Variants in OSBPL8 observed in about 807,000 individuals in gnomAD.
OSBPL8 encodes oxysterol binding protein like 8, also known as oxysterol-binding protein-related protein 8.
A neutral mutation model predicts 125.5 loss-of-function variants in OSBPL8; 59 were observed. The ratio of observed to expected loss-of-function variants is 0.47; its 90% CI spans 0.38 to 0.58. OSBPL8 has a LOEUF of 0.58. Ranked by LOEUF, OSBPL8 falls within the 20% of genes least tolerant of loss-of-function variation. The pLI, the probability that OSBPL8 is intolerant of heterozygous loss-of-function variation, is 0.00. For missense variants in OSBPL8, 758 were observed against 1,047.8 expected (o/e 0.72, Z 3.82); for synonymous variants, 330 against 338.9 (o/e 0.97, Z 0.29).
At chr12:76,374,791 A>C (rs568052687) in intron 17 of OSBPL8, among the ~76,000 whole-genome samples, 2 of 152,214 alleles carry the variant, frequency 1.3e-5, no homozygotes, top group Admixed American at 1.3e-4. Flanking sequence ...ACCCTGTCCA[A>C]ATTTTTGACT....
intron 1 of OSBPL8, among the ~76,000 whole-genome samples, chr12:76,503,969 T>A: frequency 6.6e-6 from 1 of 151,934 alleles, no homozygotes; most frequent in Non-Finnish European, 1.5e-5. Context: ...AACATCAGTA[T>A]AGATGTTGCT....
intron 1 of OSBPL8, among the ~76,000 whole-genome samples, chr12:76,516,241 C>T (rs1304741415): frequency 2.0e-5 from 3 of 152,200 alleles, no homozygotes; most frequent in African/African-American, 7.2e-5. Flanking sequence ...GAAAAGTGCC[C>T]TCCTTGTGCC....
chr12:76,510,685 G>C (rs1313035256), intron 1 of OSBPL8, among the ~76,000 whole-genome samples: 6 of 152,028 alleles, frequency 3.9e-5, no homozygotes, highest in Non-Finnish European at 7.4e-5. Flanking sequence ...TTCGGGACCA[G>C]CCTGACCAAC....
intron 7 of OSBPL8, among the ~76,000 whole-genome samples, chr12:76,398,607 G>A (rs541570986): frequency 2.0e-5 from 3 of 152,148 alleles, no homozygotes; most frequent in Admixed American, 2.0e-4. Flanking sequence ...ATGCAATTCA[G>A]TGAATTCAAA....
intron 4 of OSBPL8, among the ~76,000 whole-genome samples, chr12:76,412,794 G>A (rs1341837167): frequency 6.6e-6 from 1 of 152,102 alleles, no homozygotes; most frequent in African/African-American, 2.4e-5. Flanking sequence ...GTGACTATCA[G>A]AGCTGATTTA....
intron 1 of OSBPL8, among the ~76,000 whole-genome samples, chr12:76,523,050 C>A (rs1472793441): frequency 6.6e-6 from 1 of 152,110 alleles, no homozygotes; most frequent in Non-Finnish European, 1.5e-5. Flanking sequence ...GTTTCCCCAG[C>A]TAGTCCTGAA....
chr12:76,371,195 TTTC>T, intron 19 of OSBPL8: 1 of 291,516 alleles, frequency 3.4e-6, no homozygotes, highest in Non-Finnish European at 6.2e-6. Context: ...ACGTTCTTTC[TTTC>T]TTTTTTTTTA....
At chr12:76,366,864 T>G (rs995775142) in intron 21 of OSBPL8, among the ~76,000 whole-genome samples, 1 of 152,176 alleles carries the variant, frequency 6.6e-6, no homozygotes, top group Non-Finnish European at 1.5e-5. Flanking sequence ...TGGTGTGATC[T>G]TGGCTCACTA....
intron 1 of OSBPL8, among the ~76,000 whole-genome samples, chr12:76,500,606 C>T (rs1264814627): frequency 6.6e-6 from 1 of 152,142 alleles, no homozygotes; most frequent in Non-Finnish European, 1.5e-5. Context: ...TCATTTTATA[C>T]TTTCCCCAAT....
rs1192571150 is a variant in OSBPL8 at position 76,520,365 on chromosome 12, A to G, written c.-67-32747T>C. On this transcript the variant is annotated intron_variant, in intron 1 of 23. Transcript: ENST00000261183. ...TGTATTTCTAAATATTTGTTTATCT[A>G]TCTGCCTCCCCCCATTAGATCCAAG... 2.0e-5 allele frequency among the ~76,000 whole-genome samples: 3 copies of G among 152,278 alleles called. No individual in the cohort carries two copies. In the East Asian group the frequency reaches 5.8e-4, roughly 29 times the overall value.
At chr12:76,533,678 C>T (rs1248559589) in intron 1 of OSBPL8, among the ~76,000 whole-genome samples, 1 of 152,178 alleles carries the variant, frequency 6.6e-6, no homozygotes. Context: ...TCATCTCCAC[C>T]TCATTACCTA....
intron 4 of OSBPL8, among the ~76,000 whole-genome samples, chr12:76,439,645 A>C (rs1274445934): frequency 6.6e-6 from 1 of 152,128 alleles, no homozygotes; most frequent in African/African-American, 2.4e-5. Flanking sequence ...TTTCTTTGTA[A>C]AAGTAATCTG....
At chr12:76,420,669 T>C (rs564478458) in intron 4 of OSBPL8, among the ~76,000 whole-genome samples, 1 of 152,206 alleles carries the variant, frequency 6.6e-6, no homozygotes, top group East Asian at 1.9e-4. Context: ...AAATCTTTCC[T>C]TCTCTAGTTT....
Position 76,399,917 on chromosome 12 carries a change from T to C in OSBPL8, c.424A>G (p.Thr142Ala). ...KKRATKELLS[T>A]ITDPSVIVMA... is the part of the protein sequence containing the mutation. ...ACAATAACAGAAGGATCTGTGATTG[T>C]ACTGAGCAGCTCCTTTGTGGCTCTT... Residue 142 changes from threonine (T) to alanine (A), a missense_variant, in exon 7 of 24, where the codon ACA becomes GCA. Physicochemically the swap from Thr to Ala is moderately conservative, Grantham distance 58. This residue lies in a region of OSBPL8 where 69 missense variants were observed against 148.7 expected (regional missense o/e 0.46). Transcript: ENST00000261183. The C allele has an allele frequency of 6.2e-7, 1 of 1,609,472 alleles. No individual in the cohort carries two copies. The highest frequency in any genetic ancestry group is 8.5e-7 in the Non-Finnish European group (1 of 1,178,900).
intron 9 of OSBPL8, among the ~76,000 whole-genome samples, chr12:76,393,650 G>A (rs1249362735): frequency 7.4e-6 from 1 of 136,014 alleles, no homozygotes; most frequent in Admixed American, 8.5e-5. Context: ...GACGGAGCTT[G>A]CAGTGAGCCG....
chr12:76,386,744 A>G, intron 12 of OSBPL8, 84 bp from the exon 13 acceptor site: 1 of 892,956 alleles, frequency 1.1e-6, no homozygotes, highest in South Asian at 1.7e-5. Context: ...ACCGAGTATG[A>G]AACATGATTG....
At chr12:76,434,824 T>TA (rs1272745418) in intron 4 of OSBPL8, among the ~76,000 whole-genome samples, 3 of 152,202 alleles carry the variant, frequency 2.0e-5, no homozygotes, top group Non-Finnish European at 4.4e-5. Context: ...TATCACTTCA[T>TA]ACCTGCCAGA....
chr12:76,401,062 C>T (rs1351617475), intron 6 of OSBPL8, among the ~76,000 whole-genome samples: 2 of 152,028 alleles, frequency 1.3e-5, no homozygotes, highest in Non-Finnish European at 2.9e-5. Context: ...GGATTACAGG[C>T]GTGAGCCACC....
intron 4 of OSBPL8, among the ~76,000 whole-genome samples, chr12:76,449,027 A>T (rs1017361741): frequency 1.4e-4 from 21 of 152,170 alleles, no homozygotes; most frequent in African/African-American, 5.1e-4. Flanking sequence ...ATAAAGAAAG[A>T]AAGTAGAAAA....
Sources: gnomAD v4.1 joint callset for allele counts (sites outside exome capture counted in the v4.1 genomes callset) on GRCh38, gnomAD v4.1.1 for gene constraint, gnomAD v4.1.1 regional missense constraint, MANE v1.5 for transcripts, NCBI Gene and HGNC (gene_info 2026-07-23, HGNC 2026-07-21) for gene names.